The following MED13 variants were observed in gnomAD, a reference collection of about 807,000 sequenced individuals.
MED13 encodes the protein mediator complex subunit 13, also known as mediator of RNA polymerase II transcription subunit 13.
Under a neutral mutation model 225.2 loss-of-function variants are expected in MED13, and 23 were observed. The ratio of observed to expected loss-of-function variants is 0.10; its 90% CI spans 0.07 to 0.14. The LOEUF is 0.14. Among genes scored for constraint, MED13 ranks in the 10% least tolerant of loss-of-function variants. MED13 has a pLI of 1.00. For missense variants in MED13, 2,197 were observed against 2,594.5 expected, an observed-to-expected ratio of 0.85 and a Z score of 3.33; for synonymous variants, 942 against 889.2, an observed-to-expected ratio of 1.06 and a Z score of -1.06.
chr17:62,052,727 TAATAA>T (rs774608523), intron 2 of MED13, 22 bp from the exon 3 acceptor site: 12 of 1,534,066 alleles, frequency 7.8e-6, no homozygotes, highest in Non-Finnish European at 9.7e-6. Flanking sequence ...ATGAAGGAAA[TAATAA>T]AATAGTGACA....
chr17:62,018,359 C>G (rs56814030), intron 8 of MED13, among the ~76,000 whole-genome samples: 2,169 of 152,132 alleles, frequency 0.014, 52 homozygotes, highest in African/African-American at 0.049. Flanking sequence ...TACGGTATAA[C>G]AACTATTTAC....
At chr17:62,009,009 G>T (rs2143580242) in intron 9 of MED13, among the ~76,000 whole-genome samples, 1 of 152,140 alleles carries the variant, frequency 6.6e-6, no homozygotes, top group East Asian at 1.9e-4. Context: ...CCTATTAGTA[G>T]CATTTAAGCA....
rs377554787 is a variant in MED13, at chr17:62,046,537, C to G, written c.470+6000G>C. On this transcript the variant is annotated intron_variant, in intron 3 of 29. Transcript: ENST00000397786. The stretch of plus-strand genomic sequence containing the variant: ...GCATCTGTTGGATTCATGAAAATAT[C>G]CAATTAAAAGTTGTATTTTTGGCCA... 6.6e-5 allele frequency among the ~76,000 whole-genome samples: 10 copies of G among 152,300 alleles called. No individual in the cohort carries two copies. In the East Asian group the frequency reaches 1.7e-3, roughly 26 times the overall value.
chr17:61,955,786 G>A lies in MED13; in HGVS notation c.5676C>T (p.Leu1892=). 1 of 1,544,200 alleles carries A rather than the reference G, an allele frequency of 6.5e-7. No individual in the cohort carries two copies. The highest frequency in any genetic ancestry group is 1.7e-4 in the Middle Eastern group (1 of 5,718). ...TACCACACATTCTACACATGTCTTTGAGCCTTTTACTTAGAGACTGCAAGT... is the reference window on the plus strand; with the variant it reads ...TACCACACATTCTACACATGTCTTTAAGCCTTTTACTTAGAGACTGCAAGT... ...RRNLQSLSKR[L]KDMCRMCGIS... is the part of the protein sequence containing the mutation. Residue 1892 remains leucine (L), a synonymous_variant, in exon 25 of 30, where the codon CTC becomes CTT. Coordinates refer to ENST00000397786, the MANE Select transcript of MED13 (RefSeq NM_005121.3).
At chr17:62,006,258 T>C (rs1330969155) in intron 9 of MED13, 1 of 107,164 alleles carries the variant, frequency 9.3e-6, no homozygotes, top group African/African-American at 3.7e-5. Context: ...AGCCCTGCTC[T>C]GCAAGGAGCA....
intron 8 of MED13, among the ~76,000 whole-genome samples, chr17:62,015,946 ATATATATATTTTTTTTTTTTTT>A (rs2080571671): frequency 4.4e-4 from 6 of 13,600 alleles, no homozygotes; most frequent in African/African-American, 1.2e-3. Context: ...ATATATATAT[ATATATATATTTTTTTTTTTTTT>A]TTTTTTTTTT....
chr17:61,994,534 A>G (rs2080331202), intron 10 of MED13, among the ~76,000 whole-genome samples: 1 of 152,220 alleles, frequency 6.6e-6, no homozygotes, highest in African/African-American at 2.4e-5. Flanking sequence ...TTCACTTACA[A>G]CATATTTTAA....
intron 8 of MED13, among the ~76,000 whole-genome samples, chr17:62,012,095 A>T (rs2080515312): frequency 2.0e-5 from 3 of 151,672 alleles, no homozygotes; most frequent in Non-Finnish European, 4.4e-5. Context: ...ACGCGCCTGT[A>T]GTCCCACCTA....
At chr17:62,060,558 G>A (rs1429355384) in intron 2 of MED13, among the ~76,000 whole-genome samples, 1 of 149,004 alleles carries the variant, frequency 6.7e-6, no homozygotes, top group African/African-American at 2.5e-5. Flanking sequence ...AGGAGGCAGA[G>A]CTTGCAGCAA....
chr17:62,055,589 G>A (rs1468891892), intron 2 of MED13, among the ~76,000 whole-genome samples: 5 of 151,714 alleles, frequency 3.3e-5, no homozygotes, highest in South Asian at 2.1e-4. Flanking sequence ...TTGGGAGGTC[G>A]AGGCAGGTGG....
At chr17:61,954,777 T>C (rs1383204809) in intron 26 of MED13, among the ~76,000 whole-genome samples, 1 of 152,064 alleles carries the variant, frequency 6.6e-6, no homozygotes, top group Non-Finnish European at 1.5e-5. Context: ...TGAGACTCTG[T>C]CTCAAAAAAT....
chr17:61,971,639 A>G (rs1412179247), intron 17 of MED13, among the ~76,000 whole-genome samples: 1 of 152,124 alleles, frequency 6.6e-6, no homozygotes, highest in Non-Finnish European at 1.5e-5. Context: ...GTTTATACTA[A>G]AATATATTTT....
Position 61,955,689 on chromosome 17 carries a change from T to C in MED13, c.5773A>G (p.Ile1925Val), listed in dbSNP as rs372013165. 4.4e-6 allele frequency: 7 copies of C among 1,596,342 alleles called. No homozygotes were observed. The highest frequency in any genetic ancestry group is 6.0e-6 in the Non-Finnish European group (7 of 1,175,648). ...ACTAAAGATAGCTAACCTGGCATAA[T>C]AACAAAAGAGCCTTGCGGCTCCATT... The part of the protein sequence containing the change: ...VAMEPQGSFV[I>V]MPDSVSTGSV... The change falls in exon 25 of 30, where the codon ATT (isoleucine) becomes GTT (valine). Residue 1925 changes from isoleucine to valine, a missense_variant. Around this residue, in one of 12 missense-constraint regions of MED13, gnomAD observed 216 missense variants for 388.9 expected, o/e 0.56. Coordinates refer to ENST00000397786, the MANE Select transcript of MED13 (RefSeq NM_005121.3).
At chr17:62,055,844 T>C (rs2080992676) in intron 2 of MED13, among the ~76,000 whole-genome samples, 1 of 151,934 alleles carries the variant, frequency 6.6e-6, no homozygotes, top group African/African-American at 2.4e-5. Flanking sequence ...ATATTGAATG[T>C]GGTTTAGAAA....
chr17:62,064,553 T>A (rs926477205), intron 1 of MED13, among the ~76,000 whole-genome samples: 1 of 152,190 alleles, frequency 6.6e-6, no homozygotes, highest in Non-Finnish European at 1.5e-5. Flanking sequence ...AATGGCAAAC[T>A]GTTTTCAAAG....
Position 61,961,043 on chromosome 17 carries a change from T to C in MED13, c.5304A>G (p.Pro1768=), listed in dbSNP as rs763053416. Reference sequence around the variant, plus strand: ...CTAGCTCTGTCTGTTTGTCCTTCACTGGAGCCAGAATAAAAGGAGGTGCAT... The same window carrying C: ...CTAGCTCTGTCTGTTTGTCCTTCACCGGAGCCAGAATAAAAGGAGGTGCAT... ...RLYAPPFILA[P]VKDKQTELGE... is the part of the protein sequence containing the mutation. The change falls in exon 23 of 30, where the codon CCA becomes CCG. Residue 1768 remains proline, a synonymous_variant. Transcript: ENST00000397786. The C allele has an allele frequency of 3.2e-5, 52 of 1,613,906 alleles. No homozygotes were observed. The highest frequency in any genetic ancestry group is 4.1e-5 in the Non-Finnish European group (48 of 1,179,982).
In MED13 at chr17:61,943,157, A is replaced by G. The variant is rs2079827322; in HGVS notation, c.*3311T>C. ...TATTTCTGGAGGGGTGGGACAAAAT[A>G]AGAATGTATATTAAAAACATTTTTC... On this transcript the variant is annotated 3_prime_UTR_variant, in exon 30 of 30. Coordinates refer to ENST00000397786, the MANE Select transcript of MED13 (RefSeq NM_005121.3). 1 of 152,538 alleles carries G rather than the reference A, an allele frequency of 6.6e-6. No homozygotes were observed. Among genetic ancestry groups the G allele is most frequent in the Non-Finnish European group, 1.5e-5 (1 of 68,004 alleles). 9.4% of individuals were successfully genotyped at this position (152,538 alleles called of 1,614,324 possible). A position where few individuals can be genotyped will look rare whatever the true frequency, so the allele number is the denominator to read the frequency against.
rs2080044587 is a variant in MED13, at chr17:61,965,138, G to A, written c.4712C>T (p.Ser1571Phe). The A allele has an allele frequency of 6.2e-7, 1 of 1,614,014 alleles. No individual in the cohort carries two copies. The highest frequency in any genetic ancestry group is 8.5e-7 in the Non-Finnish European group (1 of 1,180,034). ...FGSMNSNAAG[S>F]MSTQANTVQS... ...AACTGTATTTGCTTGTGTAGACATG[G>A]ATCCTGCAGCATTACTGTTCATACT... Residue 1571 changes from serine (S) to phenylalanine (F), a missense_variant, in exon 20 of 30, where the codon TCC becomes TTC. Transcript: ENST00000397786.
Position 62,063,232 on chromosome 17 carries a change from G to C in MED13, c.136C>G (p.Pro46Ala). Residue 46 changes from proline (P) to alanine (A), a missense_variant, in exon 2 of 30, where the codon CCT becomes GCT. This residue lies in a region of MED13 where 884 missense variants were observed against 918.5 expected (regional missense o/e 0.96). Coordinates refer to ENST00000397786, the MANE Select transcript of MED13 (RefSeq NM_005121.3). ...QGPTSAPILFPVTEEDPILSS... is the reference protein window; with the variant it reads ...QGPTSAPILFAVTEEDPILSS... ...AAAATGGGGTCTTCTTCTGTCACAG[G>C]AAACAGAATAGGGGCAGAAGTTGGG... The C allele has an allele frequency of 1.2e-6, 2 of 1,614,100 alleles. No homozygotes were observed. The highest frequency in any genetic ancestry group is 1.7e-6 in the Non-Finnish European group (2 of 1,180,008).
Sources: gnomAD v4.1 joint callset for allele counts (sites outside exome capture counted in the v4.1 genomes callset) on GRCh38, gnomAD v4.1.1 for gene constraint, gnomAD v4.1.1 regional missense constraint, MANE v1.5 for transcripts, NCBI Gene and HGNC (gene_info 2026-07-23, HGNC 2026-07-21) for gene names.